Variants in SIN3A observed in about 807,000 individuals in gnomAD.
SIN3A encodes SIN3 transcription regulator family member A, also known as paired amphipathic helix protein Sin3a.
SIN3A carries 14 observed loss-of-function variants against 146.1 expected under a neutral mutation model. The ratio of observed to expected loss-of-function variants is 0.10; its 90% confidence interval spans 0.06 to 0.15. SIN3A has a LOEUF of 0.15. Among genes scored for constraint, SIN3A ranks in the 10% least tolerant of loss-of-function variants. The pLI, the probability that SIN3A is intolerant of heterozygous loss-of-function variation, is 1.00. For missense variants in SIN3A, 1,028 were observed against 1,576.0 expected (o/e 0.65, Z 5.89); for synonymous variants, 572 against 572.0 (o/e 1.00, Z 0.00).
At chr15:75,441,602 T>C (rs2074213023) in intron 1 of SIN3A, among the ~76,000 whole-genome samples, 3 of 152,114 alleles carry the variant, frequency 2.0e-5, no homozygotes, top group Non-Finnish European at 4.4e-5. Context: ...TGTAAACAGG[T>C]ACACACCACC....
chr15:75,413,125 T>C (rs77978294), intron 4 of SIN3A, 80 bp from the exon 5 acceptor site: 14 of 1,429,898 alleles, frequency 9.8e-6, no homozygotes, highest in Non-Finnish European at 1.3e-5. Context: ...TGTTTTTTTT[T>C]CTTTTGAGAC....
rs1255001492 is a variant in SIN3A at position 75,402,032 on chromosome 15, G to C, written c.1408-62C>G. The C allele has an allele frequency of 4.7e-6, 5 of 1,057,598 alleles. No homozygotes were observed. In the Admixed American group the frequency reaches 9.1e-5, roughly 19 times the overall value. 65.5% of individuals were successfully genotyped at this position (1,057,598 alleles called of 1,614,324 possible). A position where few individuals can be genotyped will look rare whatever the true frequency, so the allele number is the denominator to read the frequency against. ...TTTCTTAAAGTGGGGAACTGAAAAGGGCCTCGCTCTGTCGCCCAGGAGGAG... is the reference window on the plus strand; with the variant it reads ...TTTCTTAAAGTGGGGAACTGAAAAGCGCCTCGCTCTGTCGCCCAGGAGGAG... On this transcript the variant is annotated intron_variant, in intron 9 of 20. Coordinates refer to ENST00000394947, the MANE Select transcript of SIN3A (RefSeq NM_001145358.2).
intron 9 of SIN3A, among the ~76,000 whole-genome samples, chr15:75,405,860 C>T (rs112994348): frequency 0.032 from 4,854 of 152,270 alleles, 118 homozygotes; most frequent in Non-Finnish European, 0.048. Context: ...AATAGCTTCC[C>T]TTCCATACCC....
At chr15:75,400,335 C>T (rs972939846) in intron 11 of SIN3A, among the ~76,000 whole-genome samples, 179 bp from the exon 12 acceptor site, 2 of 152,148 alleles carry the variant, frequency 1.3e-5, no homozygotes, top group African/African-American at 4.8e-5. Context: ...TGAATATAAG[C>T]GGAAATATAA....
At chr15:75,449,924 C>A (rs1009753223) in intron 1 of SIN3A, among the ~76,000 whole-genome samples, 1 of 152,082 alleles carries the variant, frequency 6.6e-6, no homozygotes, top group African/African-American at 2.4e-5. Context: ...GGATTACAGG[C>A]GCTTGCCACC....
upstream of SIN3A, chr15:75,453,032 G>A (rs1418176521): frequency 6.6e-6 from 1 of 152,182 alleles, no homozygotes; most frequent in African/African-American, 2.4e-5. Context: ...TCTTACTTTG[G>A]GGGGCGCTCT....
chr15:75,448,010 T>C (rs1013367034), intron 1 of SIN3A: 4 of 151,550 alleles, frequency 2.6e-5, no homozygotes, highest in African/African-American at 9.7e-5. Context: ...TTCACCTCTA[T>C]AAAAATATAA....
chr15:75,381,411 A>G (rs1043201901), intron 18 of SIN3A, among the ~76,000 whole-genome samples: 5 of 152,218 alleles, frequency 3.3e-5, no homozygotes. Flanking sequence ...TAAGTGCAAG[A>G]TGAGGTTAAC....
In SIN3A at chr15:75,371,508, T is replaced by C. The variant is rs1401589950; in HGVS notation, c.*471A>G. Reference sequence around the variant, plus strand: ...AAAAAAATCAAATCCAGCTTTTTTTTCCTTTTGTGGGGAGGGGAGAGGAGC... The same window carrying C: ...AAAAAAATCAAATCCAGCTTTTTTTCCCTTTTGTGGGGAGGGGAGAGGAGC... On this transcript the variant is annotated 3_prime_UTR_variant, in exon 21 of 21. Transcript: ENST00000394947. The C allele has an allele frequency of 6.4e-6, 1 of 155,346 alleles. No individual in the cohort carries two copies. 9.6% of individuals were successfully genotyped at this position (155,346 alleles called of 1,614,324 possible).
rs776651284 is a variant in SIN3A, at chr15:75,392,442, T to C, written c.2651A>G (p.Asn884Ser). 5 of 1,614,098 alleles carry C rather than the reference T, an allele frequency of 3.1e-6. No homozygotes were observed. In the South Asian group the frequency reaches 3.3e-5, roughly 11 times the overall value. Residue 884 changes from asparagine to serine, a missense_variant, in exon 15 of 21, where the codon AAC (asparagine) becomes AGC (serine). Around this residue, in one of 9 missense-constraint regions of SIN3A, gnomAD observed 488 missense variants for 690.2 expected, o/e 0.71. Coordinates refer to ENST00000394947, the MANE Select transcript of SIN3A (RefSeq NM_001145358.2). ...QKLRGMDEVY[N>S]LFYVNNNWYI... is the part of the protein sequence containing the mutation. ...CCAGTTGTTGTTGACATAGAAGAGG[T>C]TGTATACTTCATCCATTCCTCTTAA... is the stretch of plus-strand genomic sequence containing the variant.
At chr15:75,424,219 G>A (rs543694275) in intron 2 of SIN3A, among the ~76,000 whole-genome samples, 21 of 152,132 alleles carry the variant, frequency 1.4e-4, no homozygotes, top group African/African-American at 5.1e-4. Context: ...GATCACCTGA[G>A]GTTGGGAGTT....
At chr15:75,434,786 TAAA>T (rs1458804438) in intron 1 of SIN3A, among the ~76,000 whole-genome samples, 3 of 148,732 alleles carry the variant, frequency 2.0e-5, no homozygotes, top group Admixed American at 6.7e-5. Flanking sequence ...CTGTCTCTAC[TAAA>T]AACACAAAAT....
At position 75,422,227 on chromosome 15, in the gene SIN3A, A is replaced by G. The variant is rs546859849; in HGVS notation, c.366+420T>C. The G allele has an allele frequency of 6.5e-5, 17 of 260,924 alleles. No individual in the cohort carries two copies. In the South Asian group the frequency reaches 1.3e-3, roughly 21 times the overall value. 16.2% of individuals were successfully genotyped at this position (260,924 alleles called of 1,614,324 possible). ...GAGACTCCCATCTCTGAAACTAAAA[A>G]CTAAAAAAAAAAATTTTTAAGAATT... On this transcript the variant is annotated intron_variant, in intron 3 of 20. Transcript: ENST00000394947.
upstream of SIN3A, chr15:75,453,585 A>G (rs2141656829): frequency 6.6e-6 from 1 of 152,452 alleles, no homozygotes; most frequent in South Asian, 2.1e-4. Context: ...GATCTCGCCT[A>G]AGGGCCCCAG....
chr15:75,439,344 C>CTTTT (rs919936063), intron 1 of SIN3A, among the ~76,000 whole-genome samples: 1 of 144,388 alleles, frequency 6.9e-6, no homozygotes, highest in African/African-American at 2.5e-5. Flanking sequence ...TGTCACATAT[C>CTTTT]TTTTTTTTTT....
At chr15:75,421,666 A>C (rs952564461) in intron 3 of SIN3A, 1 of 152,260 alleles carries the variant, frequency 6.6e-6, no homozygotes, top group Non-Finnish European at 1.5e-5. Context: ...TGCAAGCAAC[A>C]TAAGTAGGTT....
chr15:75,430,039 T>A, intron 2 of SIN3A, 148 bp downstream of exon 2: 1 of 637,342 alleles, frequency 1.6e-6, no homozygotes. Context: ...TAAAAACTTG[T>A]ATGGTGAGTA....
intron 20 of SIN3A, among the ~76,000 whole-genome samples, chr15:75,374,686 G>A (rs918363610): frequency 7.9e-5 from 12 of 152,128 alleles, no homozygotes; most frequent in African/African-American, 2.7e-4. Context: ...GTAATTTCTT[G>A]AATATGCCAA....
At chr15:75,381,372 T>A (rs756872753) in intron 18 of SIN3A, among the ~76,000 whole-genome samples, 1 of 152,164 alleles carries the variant, frequency 6.6e-6, no homozygotes, top group Non-Finnish European at 1.5e-5. Context: ...CTGCCAACCA[T>A]AAGACTTCCT....
Sources: allele counts gnomAD v4.1 joint callset (sites outside exome capture counted in the v4.1 genomes callset), GRCh38; gene constraint gnomAD v4.1.1; regional missense constraint gnomAD v4.1.1; transcripts MANE v1.5; gene names NCBI Gene and HGNC (gene_info 2026-07-23, HGNC 2026-07-21).